The following UACA variants were observed in gnomAD, a reference collection of about 807,000 sequenced individuals.
UACA encodes nuclear membrane binding protein.
In UACA, 112 loss-of-function variants were observed where a neutral mutation model predicts 160.5. That is an observed-to-expected ratio of 0.70 (90% CI 0.60 to 0.82). The LOEUF (loss-of-function observed/expected upper bound fraction) is 0.82. Ranked by LOEUF, UACA falls within the 40% of genes least tolerant of loss-of-function variation. The probability of loss-of-function intolerance (pLI) is 0.00; values close to 1 mark genes in which losing one functional copy is unlikely to be tolerated. For synonymous variants in UACA, 557 were observed against 568.4 expected (o/e 0.98, Z 0.29); for missense variants, 1,574 against 1,614.6 (o/e 0.97, Z 0.43).
Position 70,667,083 on chromosome 15 carries a change from C to G in UACA, c.3601G>C (p.Val1201Leu). Residue 1201 changes from valine to leucine, a missense_variant, in exon 16 of 19, where the codon GTC becomes CTC. Coordinates refer to ENST00000322954, the MANE Select transcript of UACA (RefSeq NM_018003.4). ...EEESQNKMEEVSKLQSEVQNT... is the reference protein window; with the variant it reads ...EEESQNKMEELSKLQSEVQNT... ...TGAACCTCCGACTGAAGTTTGGAGA[C>G]TTCTTCCATTTTGTTTTGGCTTTCT... is the stretch of plus-strand genomic sequence containing the variant. The G allele has an allele frequency of 1.9e-6, 3 of 1,613,168 alleles. No individual in the cohort carries two copies. The highest frequency in any genetic ancestry group is 2.5e-6 in the Non-Finnish European group (3 of 1,179,878).
At chr15:70,715,882 T>C (rs1414075701) in intron 1 of UACA, among the ~76,000 whole-genome samples, 1 of 152,262 alleles carries the variant, frequency 6.6e-6, no homozygotes, top group African/African-American at 2.4e-5. Context: ...ACACAATTCT[T>C]AAACTTGAAG....
intron 1 of UACA, among the ~76,000 whole-genome samples, chr15:70,709,154 C>T (rs1036785164): frequency 6.6e-6 from 1 of 152,070 alleles, no homozygotes; most frequent in African/African-American, 2.4e-5. Context: ...AGGCAAGCCC[C>T]ATAATATCAA....
intron 1 of UACA, chr15:70,702,253 C>G (rs1015862492): frequency 9.4e-7 from 1 of 1,065,686 alleles, no homozygotes; most frequent in African/African-American, 1.7e-5. Context: ...AAAACTTGAA[C>G]AGCACTCTGC....
intron 1 of UACA, among the ~76,000 whole-genome samples, chr15:70,738,010 G>A (rs981625786): frequency 3.9e-5 from 6 of 152,002 alleles, no homozygotes; most frequent in Non-Finnish European, 7.4e-5. Flanking sequence ...ACATCTTTCC[G>A]GGACTTCCCA....
chr15:70,692,105 G>C (rs1897959691), intron 3 of UACA, among the ~76,000 whole-genome samples: 1 of 152,138 alleles, frequency 6.6e-6, no homozygotes, highest in South Asian at 2.1e-4. Context: ...ATTTAACCAG[G>C]CTATTCCAAC....
Position 70,691,323 on chromosome 15 carries a change from T to G in UACA, c.342A>C (p.Ala114=). The part of the protein sequence containing the change: ...ALHLAAKYGH[A]LCLQKLLQYN... ...CCTGTAGAAGTTTTTGTAGGCACAA[T>G]GCATGTCCATACTTAGCAGCCAGGT... Residue 114 remains alanine, a synonymous_variant, in exon 4 of 19, where the codon GCA becomes GCC. Transcript: ENST00000322954. The G allele has an allele frequency of 6.2e-7, 1 of 1,609,330 alleles. No homozygotes were observed. Among genetic ancestry groups the G allele is most frequent in the South Asian group, 1.1e-5 (1 of 90,008 alleles).
chr15:70,697,359 A>G (rs1898166094), intron 2 of UACA, among the ~76,000 whole-genome samples: 1 of 152,250 alleles, frequency 6.6e-6, no homozygotes, highest in Non-Finnish European at 1.5e-5. Flanking sequence ...CCTTGAGGAA[A>G]TGGGGAGACA....
chr15:70,778,269 C>A, the UACA span, among the ~76,000 whole-genome samples: 2 of 152,128 alleles, frequency 1.3e-5, no homozygotes, highest in Admixed American at 1.3e-4. Context: ...ATAGGCTAAC[C>A]CAAAGTACTC....
At chr15:70,747,455 A>G (rs1237784137) in intron 1 of UACA, among the ~76,000 whole-genome samples, 4 of 151,928 alleles carry the variant, frequency 2.6e-5, no homozygotes, top group Admixed American at 6.6e-5. Flanking sequence ...CTTCAGCCTC[A>G]ACCTCCTAAA....
chr15:70,764,185 TATTGGA>T (rs2030943494), upstream of UACA, among the ~76,000 whole-genome samples: 1 of 152,038 alleles, frequency 6.6e-6, no homozygotes, highest in African/African-American at 2.4e-5. Context: ...GAATCCGCCG[TATTGGA>T]AGCAAAGGGA....
intron 1 of UACA, among the ~76,000 whole-genome samples, chr15:70,762,388 A>C (rs568046082): frequency 6.6e-6 from 1 of 152,346 alleles, no homozygotes; most frequent in South Asian, 2.1e-4. Context: ...GTTGGAGCAT[A>C]ACAACTCCTT....
Position 70,669,127 on chromosome 15 carries a change from A to G in UACA, c.1557T>C (p.His519=). ...SEGKVKQMQT[H]FLALKEHLTS... ...TTAAGTGTTCTTTAAGGGCAAGAAA[A>G]TGGGTCTGCATTTGTTTAACTTTAC... The change falls in exon 16 of 19, where the codon CAT becomes CAC. Residue 519 remains histidine (H), a synonymous_variant. Transcript: ENST00000322954. 6.2e-7 allele frequency: 1 copy of G among 1,614,094 alleles called. No individual in the cohort carries two copies. Among genetic ancestry groups the G allele is most frequent in the Non-Finnish European group, 8.5e-7 (1 of 1,180,010 alleles).
chr15:70,700,702 T>C (rs1898327214), intron 1 of UACA, among the ~76,000 whole-genome samples: 1 of 151,996 alleles, frequency 6.6e-6, no homozygotes, highest in African/African-American at 2.4e-5. Context: ...TAAGCATAAA[T>C]GTCAGAAGAT....
chr15:70,658,598 T>C (rs1896566823), intron 18 of UACA, among the ~76,000 whole-genome samples: 1 of 152,212 alleles, frequency 6.6e-6, no homozygotes, highest in African/African-American at 2.4e-5. Context: ...TTTACATGCA[T>C]GTTAGCCATT....
chr15:70,690,395 T>C (rs1897889064), intron 5 of UACA, 59 bp downstream of exon 5: 1 of 1,471,204 alleles, frequency 6.8e-7, no homozygotes, highest in Non-Finnish European at 9.5e-7. Flanking sequence ...ACCCTGAAAT[T>C]AATTCAAATG....
At chr15:70,670,935 A>T in intron 15 of UACA, 104 bp downstream of exon 15, 1 of 537,178 alleles carries the variant, frequency 1.9e-6, no homozygotes, top group Non-Finnish European at 3.1e-6. Flanking sequence ...ACCTCACTCT[A>T]TGTATATATA....
At chr15:70,748,353 C>G (rs1899775204) in intron 1 of UACA, among the ~76,000 whole-genome samples, 1 of 152,082 alleles carries the variant, frequency 6.6e-6, no homozygotes, top group Admixed American at 6.6e-5. Flanking sequence ...CCTGCTGGCA[C>G]AAGGACAAAC....
At chr15:70,691,185 T>G in intron 4 of UACA, 114 bp downstream of exon 4, 1 of 659,322 alleles carries the variant, frequency 1.5e-6, no homozygotes, top group South Asian at 2.8e-5. Context: ...TGTAAGCTCA[T>G]AGTCAAAGTT....
At chr15:70,673,820 T>C (rs1897218662) in intron 13 of UACA, among the ~76,000 whole-genome samples, 1 of 152,168 alleles carries the variant, frequency 6.6e-6, no homozygotes, top group African/African-American at 2.4e-5. Flanking sequence ...GCAGTAGATA[T>C]TCAATGTTTG....
Sources: allele counts gnomAD v4.1 joint callset (sites outside exome capture counted in the v4.1 genomes callset), GRCh38; gene constraint gnomAD v4.1.1; transcripts MANE v1.5; gene names NCBI Gene and HGNC (gene_info 2026-07-23, HGNC 2026-07-21).